The following MAN2A1 variants were observed in gnomAD, a reference collection of about 807,000 sequenced individuals.
MAN2A1 encodes the protein mannosidase alpha class 2A member 1.
Under a neutral mutation model 142.6 loss-of-function variants are expected in MAN2A1, and 76 were observed. That is an observed-to-expected ratio of 0.53 (90% CI 0.44 to 0.65). The LOEUF is 0.65. Ranked by LOEUF, MAN2A1 falls within the 30% of genes least tolerant of loss-of-function variation. MAN2A1 has a pLI of 0.00. For missense variants in MAN2A1, 1,311 were observed against 1,365.1 expected, an observed-to-expected ratio of 0.96 and a Z score of 0.62; for synonymous variants, 559 against 473.2, an observed-to-expected ratio of 1.18 and a Z score of -2.35.
In MAN2A1 at chr5:109,830,358, G is replaced by T. The variant is rs980274920; in HGVS notation, c.2566+6521G>T. On this transcript the variant is annotated intron_variant, in intron 16 of 21. Transcript: ENST00000261483. ...ATAAAAAAGGTAGATGTTCAATTAG[G>T]TATAACTGTCAAAGAGTCTTCATAC... Among the ~76,000 whole-genome samples the T allele has an allele frequency of 2.0e-5, 3 of 152,148 alleles. No individual in the cohort carries two copies. In the East Asian group the frequency reaches 5.8e-4, roughly 29 times the overall value.
At chr5:109,832,071 A>G (rs144821567) in intron 16 of MAN2A1, among the ~76,000 whole-genome samples, 3 of 150,760 alleles carry the variant, frequency 2.0e-5, no homozygotes, top group African/African-American at 7.3e-5. Flanking sequence ...AGAATGATAT[A>G]TGATTTTATT....
intron 16 of MAN2A1, among the ~76,000 whole-genome samples, chr5:109,838,771 A>G (rs1755122363): frequency 1.3e-5 from 2 of 152,214 alleles, no homozygotes; most frequent in South Asian, 2.1e-4. Context: ...CTTTAAATTG[A>G]TATCTTGCTG....
chr5:109,809,181 T>G (rs1039638977), intron 12 of MAN2A1, among the ~76,000 whole-genome samples: 5 of 152,326 alleles, frequency 3.3e-5, no homozygotes, highest in Admixed American at 3.3e-4. Context: ...TGGTAAGTCA[T>G]CAAGTTATTT....
At chr5:109,724,525 A>C (rs1043993885) in intron 3 of MAN2A1, among the ~76,000 whole-genome samples, 2 of 152,188 alleles carry the variant, frequency 1.3e-5, no homozygotes, top group Non-Finnish European at 2.9e-5. Context: ...AATGGAAAAA[A>C]AATCTTGAGG....
chr5:109,791,945 A>G (rs150084563), intron 12 of MAN2A1, among the ~76,000 whole-genome samples: 126 of 152,248 alleles, frequency 8.3e-4, no homozygotes, highest in Admixed American at 7.2e-3. Flanking sequence ...AAGTAGTCCA[A>G]GATCTGTTTA....
intron 12 of MAN2A1, among the ~76,000 whole-genome samples, chr5:109,790,511 C>T (rs879675867): frequency 6.6e-5 from 10 of 151,808 alleles, no homozygotes; most frequent in African/African-American, 1.5e-4. Flanking sequence ...CTCTGTAACA[C>T]GGCAGAAGCC....
intron 16 of MAN2A1, among the ~76,000 whole-genome samples, chr5:109,834,728 T>C (rs1755016313): frequency 6.6e-6 from 1 of 152,230 alleles, no homozygotes; most frequent in Non-Finnish European, 1.5e-5. Context: ...ATCATCATTT[T>C]CTTAAATTTG....
chr5:109,716,286 G>T (rs116355495), intron 3 of MAN2A1, 22 bp downstream of exon 3: 20,264 of 1,584,880 alleles, frequency 0.013, 173 homozygotes, highest in Middle Eastern at 0.035. Context: ...ACTTCAAAAA[G>T]ACAGGAGGTT....
chr5:109,774,059 A>G (rs1164028703), intron 7 of MAN2A1, among the ~76,000 whole-genome samples: 2 of 152,218 alleles, frequency 1.3e-5, no homozygotes, highest in Admixed American at 6.5e-5. Context: ...CTATAATAGA[A>G]TATGAAATAC....
At chr5:109,728,818 G>A (rs1346478349) in intron 3 of MAN2A1, among the ~76,000 whole-genome samples, 1 of 152,020 alleles carries the variant, frequency 6.6e-6, no homozygotes, top group African/African-American at 2.4e-5. Context: ...TCATATTTAT[G>A]GTGTAATTAC....
At chr5:109,714,106 AAT>A (rs1303985954) in intron 2 of MAN2A1, among the ~76,000 whole-genome samples, 1 of 152,072 alleles carries the variant, frequency 6.6e-6, no homozygotes, top group Non-Finnish European at 1.5e-5. Flanking sequence ...TCCTTTGGAG[AAT>A]ACAAGAAAAT....
At chr5:109,843,522 T>C (rs1374657105) in intron 17 of MAN2A1, among the ~76,000 whole-genome samples, 1 of 152,196 alleles carries the variant, frequency 6.6e-6, no homozygotes, top group East Asian at 1.9e-4. Context: ...TCCCTATATA[T>C]TGGTTTAATG....
intron 16 of MAN2A1, among the ~76,000 whole-genome samples, chr5:109,829,381 T>G (rs1754844687): frequency 6.6e-6 from 1 of 152,150 alleles, no homozygotes; most frequent in African/African-American, 2.4e-5. Flanking sequence ...GATGAAACTT[T>G]CCTGGGTGTT....
Position 109,865,028 on chromosome 5 carries a change from A to G in MAN2A1, c.3172-8A>G, listed in dbSNP as rs753931355. The G allele has an allele frequency of 5.0e-6, 8 of 1,602,064 alleles. No individual in the cohort carries two copies. Among genetic ancestry groups the G allele is most frequent in the Non-Finnish European group, 6.0e-6 (7 of 1,169,232 alleles). The stretch of plus-strand genomic sequence containing the variant: ...TGCGCGGTGTGACTGCATTCTGCTC[A>G]TTTGCAGGTGGGCAATGGGCACTCC... On this transcript the variant is annotated splice_region_variant and splice_polypyrimidine_tract_variant and intron_variant, in intron 20 of 21. Transcript: ENST00000261483.
chr5:109,839,855 A>G (rs1451538839), intron 16 of MAN2A1, among the ~76,000 whole-genome samples: 1 of 152,020 alleles, frequency 6.6e-6, no homozygotes, highest in African/African-American at 2.4e-5. Flanking sequence ...ATTTATCACT[A>G]GATTGTTATT....
At chr5:109,710,083 T>G (rs1230862784) in intron 1 of MAN2A1, among the ~76,000 whole-genome samples, 1 of 152,218 alleles carries the variant, frequency 6.6e-6, no homozygotes, top group Non-Finnish European at 1.5e-5. Flanking sequence ...CATAATATAA[T>G]TTTAAAAATG....
chr5:109,756,133 A>T (rs1468039348), intron 5 of MAN2A1, among the ~76,000 whole-genome samples: 1 of 152,050 alleles, frequency 6.6e-6, no homozygotes, highest in African/African-American at 2.4e-5. Flanking sequence ...GGGAAAGGGA[A>T]TTGTGGAGAG....
chr5:109,844,139 A>G (rs577982007), intron 17 of MAN2A1, among the ~76,000 whole-genome samples: 1 of 152,358 alleles, frequency 6.6e-6, no homozygotes, highest in South Asian at 2.1e-4. Context: ...AAAATTATAC[A>G]AAACCAGTTA....
chr5:109,713,237 G>C (rs551829939), intron 1 of MAN2A1, among the ~76,000 whole-genome samples: 1 of 152,238 alleles, frequency 6.6e-6, no homozygotes, highest in African/African-American at 2.4e-5. Context: ...ACTGAGTTTG[G>C]GGGGAACAGA....
Sources: gnomAD v4.1 joint callset for allele counts (sites outside exome capture counted in the v4.1 genomes callset) on GRCh38, gnomAD v4.1.1 for gene constraint, MANE v1.5 for transcripts, NCBI Gene and HGNC (gene_info 2026-07-23, HGNC 2026-07-21) for gene names.